The following CDC42BPA variants were observed in gnomAD, a reference collection of about 807,000 sequenced individuals.
CDC42BPA encodes CDC42 binding protein kinase alpha.
In CDC42BPA, 80 loss-of-function variants were observed where a neutral mutation model predicts 223.5. The observed-to-expected ratio is 0.36, with a 90% confidence interval of 0.30 to 0.43. The LOEUF is 0.43. CDC42BPA is among the 20% of genes least tolerant of loss of function. CDC42BPA has a pLI of 1.00. For synonymous variants in CDC42BPA, 694 were observed against 718.6 expected (o/e 0.97, Z 0.55); for missense variants, 1,743 against 2,099.9 (o/e 0.83, Z 3.32).
At position 227,060,037 on chromosome 1, in the gene CDC42BPA, T is replaced by TG. The variant is rs1235916222; in HGVS notation, c.2905-8053_2905-8052insC. Among the ~76,000 whole-genome samples the TG allele has an allele frequency of 1.9e-4, 28 of 144,012 alleles. 1 individual carries two copies. Among genetic ancestry groups the TG allele is most frequent in the East Asian group, 1.2e-3 (6 of 4,970 alleles). 94.5% of individuals were successfully genotyped at this position (144,012 alleles called of 152,430 possible). On this transcript the variant is annotated intron_variant, in intron 21 of 36. Coordinates refer to ENST00000366766, the MANE Select transcript of CDC42BPA (RefSeq NM_001394014.1). ...CTCAAAAAGTTTTTTTTTGTTTTTT[T>TG]TTTTTTTTTTTGAGACGGGAGTCTC... is the stretch of plus-strand genomic sequence containing the variant.
intron 2 of CDC42BPA, among the ~76,000 whole-genome samples, chr1:227,222,566 C>T (rs2090006): frequency 6.6e-6 from 1 of 151,944 alleles, no homozygotes; most frequent in African/African-American, 2.4e-5. Flanking sequence ...TCATCACACC[C>T]CCGTTCCAGA....
chr1:227,048,433 T>C (rs980916608), intron 22 of CDC42BPA, among the ~76,000 whole-genome samples: 2 of 151,940 alleles, frequency 1.3e-5, no homozygotes, highest in Non-Finnish European at 1.5e-5. Flanking sequence ...CTTTCATACA[T>C]AGAACATATA....
At chr1:227,195,808 T>C (rs2150171656) in intron 4 of CDC42BPA, among the ~76,000 whole-genome samples, 1 of 152,264 alleles carries the variant, frequency 6.6e-6, no homozygotes, top group African/African-American at 2.4e-5. Flanking sequence ...CTAAGGTATA[T>C]TTATACAAGT....
chr1:227,000,897 A>G (rs1351854633), intron 35 of CDC42BPA, among the ~76,000 whole-genome samples: 2 of 151,474 alleles, frequency 1.3e-5, no homozygotes, highest in African/African-American at 4.9e-5. Context: ...GAGACCACAT[A>G]CTGTACTCAG....
intron 3 of CDC42BPA, among the ~76,000 whole-genome samples, chr1:227,208,862 C>CT (rs199974528): frequency 0.03 from 4,559 of 152,112 alleles, 206 homozygotes; most frequent in African/African-American, 0.1. Context: ...TCCATATGAA[C>CT]TTTAAAGTAG....
chr1:227,073,847 A>G lies in CDC42BPA; in HGVS notation c.2735+17T>C, dbSNP rs1440189961. ...ACTTAGAAATTATTCTAGTGGGACTATATGATTCAATCTTACCATTCTGTT... is the reference window on the plus strand; with the variant it reads ...ACTTAGAAATTATTCTAGTGGGACTGTATGATTCAATCTTACCATTCTGTT... On this transcript the variant is annotated intron_variant, in intron 19 of 36. Coordinates refer to ENST00000366766, the MANE Select transcript of CDC42BPA (RefSeq NM_001394014.1). 11 of 1,526,258 alleles carry G rather than the reference A, an allele frequency of 7.2e-6. No individual in the cohort carries two copies. The highest frequency in any genetic ancestry group is 8.9e-6 in the Non-Finnish European group (10 of 1,129,150). 94.5% of individuals were successfully genotyped at this position (1,526,258 alleles called of 1,614,324 possible).
intron 17 of CDC42BPA, among the ~76,000 whole-genome samples, chr1:227,077,178 G>C (rs1679668631): frequency 6.6e-6 from 1 of 152,158 alleles, no homozygotes; most frequent in Non-Finnish European, 1.5e-5. Flanking sequence ...ATATAGACCT[G>C]GTTTCAAATC....
chr1:227,317,511 T>TA lies in CDC42BPA; in HGVS notation c.-330dup, dbSNP rs35451914. 74,077 of 359,612 alleles carry TA rather than the reference T, an allele frequency of 0.21. 1,600 individuals carry two copies. Among genetic ancestry groups the TA allele is most frequent in the Middle Eastern group, 0.24 (331 of 1,360 alleles). The allele number at this position is 359,612 out of a possible 1,614,324, so 22.3% of individuals were successfully genotyped here. On this transcript the variant is annotated 5_prime_UTR_variant, in exon 1 of 37. An upstream open reading frame in the 5' UTR loses its in-frame stop. Transcript: ENST00000366766. ...ACGAACTAGAGAGTCAACACTTCTT[T>TA]AAAAAAAAAAAAAAAAACTCTTCTC...
At chr1:227,258,973 C>T (rs1421679467) in intron 1 of CDC42BPA, among the ~76,000 whole-genome samples, 3 of 151,158 alleles carry the variant, frequency 2.0e-5, no homozygotes, top group South Asian at 2.1e-4. Flanking sequence ...AGATCTGTTG[C>T]GCTGGTAGAT....
chr1:227,025,974 T>TAA, intron 31 of CDC42BPA, 81 bp downstream of exon 31: 9 of 682,338 alleles, frequency 1.3e-5, no homozygotes, highest in South Asian at 5.8e-5. Context: ...GTTGAATTAA[T>TAA]AAAAAAAAAA....
chr1:227,081,539 G>A (rs1182875636), intron 16 of CDC42BPA, among the ~76,000 whole-genome samples: 2 of 150,070 alleles, frequency 1.3e-5, no homozygotes, highest in African/African-American at 4.9e-5. Context: ...TGCAACTTCT[G>A]CCTCCCGGGT....
chr1:227,246,865 A>G (rs2670440), intron 2 of CDC42BPA, among the ~76,000 whole-genome samples: 46,909 of 152,068 alleles, frequency 0.31, 7,407 homozygotes, highest in East Asian at 0.37. Flanking sequence ...GATCAATCCT[A>G]GAGAAACAGA....
intron 5 of CDC42BPA, among the ~76,000 whole-genome samples, chr1:227,177,778 C>G (rs1185046753): frequency 6.6e-6 from 1 of 152,142 alleles, no homozygotes; most frequent in Non-Finnish European, 1.5e-5. Context: ...ACCTGGAACT[C>G]CAATTACTTG....
chr1:227,151,719 T>C (rs764450881), intron 6 of CDC42BPA, among the ~76,000 whole-genome samples: 23 of 152,034 alleles, frequency 1.5e-4, no homozygotes, highest in Non-Finnish European at 2.4e-4. Flanking sequence ...ATTAGTGATG[T>C]TGAGCACCTT....
intron 1 of CDC42BPA, among the ~76,000 whole-genome samples, chr1:227,277,898 C>T (rs985818039): frequency 3.9e-5 from 6 of 152,068 alleles, no homozygotes; most frequent in Admixed American, 6.5e-5. Flanking sequence ...TACAGGCACC[C>T]GCCACGACGC....
chr1:227,025,240 C>T (rs531870932), intron 31 of CDC42BPA, among the ~76,000 whole-genome samples: 2 of 152,140 alleles, frequency 1.3e-5, no homozygotes, highest in South Asian at 4.1e-4. Context: ...GAGACCCTGT[C>T]TCAAAAACAA....
At chr1:227,206,323 T>C (rs116805426) in intron 3 of CDC42BPA, among the ~76,000 whole-genome samples, 9,124 of 149,104 alleles carry the variant, frequency 0.061, 277 homozygotes, top group Non-Finnish European at 0.073. Flanking sequence ...CTAGCAAAGT[T>C]TGTAAATGAT....
intron 1 of CDC42BPA, among the ~76,000 whole-genome samples, chr1:227,266,028 G>A (rs769138807): frequency 3.3e-5 from 5 of 152,170 alleles, no homozygotes; most frequent in African/African-American, 7.2e-5. Context: ...AATGAATATC[G>A]TATGTGGCAG....
chr1:227,208,254 G>C (rs972231658), intron 3 of CDC42BPA, among the ~76,000 whole-genome samples: 17 of 151,350 alleles, frequency 1.1e-4, no homozygotes, highest in South Asian at 2.1e-4. Context: ...TGTAGATTCT[G>C]GATATTAGCC....
Sources: gnomAD v4.1 joint callset for allele counts (sites outside exome capture counted in the v4.1 genomes callset) on GRCh38, gnomAD v4.1.1 for gene constraint, MANE v1.5 for transcripts, NCBI Gene and HGNC (gene_info 2026-07-23, HGNC 2026-07-21) for gene names.